Variants in MLKL observed in about 807,000 individuals in gnomAD.
MLKL encodes mixed lineage kinase domain-like protein.
Under a neutral mutation model 56.5 loss-of-function variants are expected in MLKL, and 55 were observed. The ratio of observed to expected loss-of-function variants is 0.97; its 90% CI spans 0.78 to 1.22. The LOEUF is 1.22. Ranked by LOEUF, MLKL falls within the 50% of genes most tolerant of loss-of-function variation. The pLI is 0.00. For synonymous variants in MLKL, 251 were observed against 208.3 expected, an observed-to-expected ratio of 1.20 and a Z score of -1.76; for missense variants, 694 against 573.9, an observed-to-expected ratio of 1.21 and a Z score of -2.14.
intron 5 of MLKL, among the ~76,000 whole-genome samples, chr16:74,683,977 T>C (rs540376780): frequency 1.1e-4 from 17 of 152,292 alleles, no homozygotes; most frequent in Middle Eastern, 3.4e-3. Context: ...AGACAGAGTC[T>C]AGCTCTGTCA....
intron 7 of MLKL, chr16:74,676,271 T>C: frequency 1.0e-6 from 1 of 989,688 alleles, no homozygotes; most frequent in Non-Finnish European, 1.2e-6. Context: ...GTGACGAGTG[T>C]GAGTCATCCC....
intron 4 of MLKL, among the ~76,000 whole-genome samples, chr16:74,687,701 C>A (rs1292161479): frequency 6.6e-6 from 1 of 152,002 alleles, no homozygotes; most frequent in Non-Finnish European, 1.5e-5. Context: ...TTGGAACTTG[C>A]TCTGTCACCC....
chr16:74,674,760 T>C (rs1057252341), intron 10 of MLKL, among the ~76,000 whole-genome samples, 200 bp downstream of exon 10: 6 of 152,120 alleles, frequency 3.9e-5, no homozygotes, highest in Non-Finnish European at 7.4e-5. Flanking sequence ...TTGGCCTTTA[T>C]TCACTAGATG....
At position 74,675,775 on chromosome 16, in the gene MLKL, A is replaced by G. The variant is rs377378830; in HGVS notation, c.1039-11T>C. Reference sequence around the variant, plus strand: ...CTCAAATCCTGCAAGCTAGATAGAGAGGCAACTTAGAAAGAAACAAGCAAG... The same window carrying G: ...CTCAAATCCTGCAAGCTAGATAGAGGGGCAACTTAGAAAGAAACAAGCAAG... On this transcript the variant is annotated splice_polypyrimidine_tract_variant and intron_variant, in intron 7 of 10. Transcript: ENST00000308807. The G allele has an allele frequency of 6.2e-7, 1 of 1,612,844 alleles. No homozygotes were observed. The highest frequency in any genetic ancestry group is 1.3e-5 in the African/African-American group (1 of 74,842).
At chr16:74,674,553 G>A (rs1959460355) in intron 10 of MLKL, among the ~76,000 whole-genome samples, 1 of 151,850 alleles carries the variant, frequency 6.6e-6, no homozygotes, top group South Asian at 2.1e-4. Flanking sequence ...CCAGTTTCAA[G>A]AGATTCTCAT....
intron 8 of MLKL, 45 bp downstream of exon 8, chr16:74,675,568 A>G (rs1959544063): frequency 1.9e-6 from 3 of 1,594,686 alleles, no homozygotes; most frequent in Admixed American, 1.7e-5. Context: ...GGGTTTTCCT[A>G]TTATGCACAT....
intron 6 of MLKL, among the ~76,000 whole-genome samples, chr16:74,680,707 G>A (rs1162738525): frequency 6.6e-6 from 1 of 152,064 alleles, no homozygotes; most frequent in African/African-American, 2.4e-5. Context: ...AGGTTTCACC[G>A]TGTTGGGCAG....
At chr16:74,692,761 T>A (rs1960750997) in intron 2 of MLKL, among the ~76,000 whole-genome samples, 1 of 152,270 alleles carries the variant, frequency 6.6e-6, no homozygotes, top group South Asian at 2.1e-4. Flanking sequence ...ATTGAAAGTA[T>A]CCTGGAAGGA....
At chr16:74,692,737 A>T (rs149713681) in intron 2 of MLKL, among the ~76,000 whole-genome samples, 2 of 152,400 alleles carry the variant, frequency 1.3e-5, no homozygotes, top group East Asian at 3.9e-4. Context: ...GCGTCAACGC[A>T]GAAGTGCTAT....
At chr16:74,681,442 C>T (rs1409655445) in intron 6 of MLKL, among the ~76,000 whole-genome samples, 1 of 152,060 alleles carries the variant, frequency 6.6e-6, no homozygotes, top group Non-Finnish European at 1.5e-5. Flanking sequence ...CTTTGGGGAC[C>T]CTTGGGACTA....
At position 74,682,631 on chromosome 16, in the gene MLKL, G is replaced by A. The variant is rs376354637; in HGVS notation, c.956+20C>T. 71 of 1,612,858 alleles carry A rather than the reference G, an allele frequency of 4.4e-5. No individual in the cohort carries two copies. In the African/African-American group the frequency reaches 5.2e-4, roughly 12 times the overall value. ...ACAGACCCATCCAACCCTTAGTGGC[G>A]CCTTTTCACCCCGTCTTACCGGTAT... On this transcript the variant is annotated intron_variant, in intron 6 of 10. Coordinates refer to ENST00000308807, the MANE Select transcript of MLKL (RefSeq NM_152649.4).
intron 5 of MLKL, among the ~76,000 whole-genome samples, chr16:74,684,260 T>C (rs1960180273): frequency 6.6e-6 from 1 of 152,012 alleles, no homozygotes; most frequent in African/African-American, 2.4e-5. Flanking sequence ...CGTTTCCCTT[T>C]AGATTGGGAT....
chr16:74,679,906 G>T (rs764776485), intron 6 of MLKL, among the ~76,000 whole-genome samples: 2 of 152,180 alleles, frequency 1.3e-5, no homozygotes, highest in South Asian at 2.1e-4. Context: ...GTAGGATGGC[G>T]AAGGAGAAGA....
At position 74,672,547 on chromosome 16, in the gene MLKL, G is replaced by C; in HGVS notation, c.1382-9C>G. Reference sequence around the variant, plus strand: ...GAGTTTCTTTAAGATTTCTGTGGATGAATGAACAGAAAATTAGACCAGGGT... The same window carrying C: ...GAGTTTCTTTAAGATTTCTGTGGATCAATGAACAGAAAATTAGACCAGGGT... On this transcript the variant is annotated splice_polypyrimidine_tract_variant and intron_variant, in intron 10 of 10. Coordinates refer to ENST00000308807, the MANE Select transcript of MLKL (RefSeq NM_152649.4). The C allele has an allele frequency of 6.2e-7, 1 of 1,613,372 alleles. No homozygotes were observed. The highest frequency in any genetic ancestry group is 1.3e-5 in the African/African-American group (1 of 75,018).
chr16:74,679,099 A>G, intron 6 of MLKL, 119 bp from the exon 7 acceptor site: 1 of 727,576 alleles, frequency 1.4e-6, no homozygotes, highest in South Asian at 1.7e-5. Context: ...CCACAGTTAC[A>G]CAGGAAAAAC....
rs756729633 is a variant in MLKL at position 74,695,673 on chromosome 16, G to C, written c.85C>G (p.Arg29Gly). The change falls in exon 2 of 11, where the codon CGG becomes GGG. Residue 29 changes from arginine (R) to glycine (G), a missense_variant. Coordinates refer to ENST00000308807, the MANE Select transcript of MLKL (RefSeq NM_152649.4). Reference protein sequence around the residue: ...EEMKYCKKQCRRLGHRVLGLI... With the variant: ...EEMKYCKKQCGRLGHRVLGLI... ...CCGAGGACGCGGTGGCCCAGGCGCC[G>C]GCACTGTTTCTTGCAGTATTTCATC... The C allele has an allele frequency of 6.2e-7, 1 of 1,614,090 alleles. No homozygotes were observed. Among genetic ancestry groups the C allele is most frequent in the Admixed American group, 1.7e-5 (1 of 60,022 alleles).
At chr16:74,679,747 G>A (rs962433384) in intron 6 of MLKL, among the ~76,000 whole-genome samples, 2 of 152,082 alleles carry the variant, frequency 1.3e-5, no homozygotes, top group Non-Finnish European at 2.9e-5. Context: ...CCCAGGAGGT[G>A]GAGTTTGCAG....
intron 10 of MLKL, among the ~76,000 whole-genome samples, chr16:74,673,679 A>T (rs924423015): frequency 6.6e-6 from 1 of 152,104 alleles, no homozygotes; most frequent in Admixed American, 6.6e-5. Flanking sequence ...AATCCCAAGG[A>T]TGCTGAAAAA....
rs532485718 is a variant in MLKL, at chr16:74,674,456, A to ATT, written c.1381+502_1381+503dup. On this transcript the variant is annotated intron_variant, in intron 10 of 10. Coordinates refer to ENST00000308807, the MANE Select transcript of MLKL (RefSeq NM_152649.4). ...GCATGAGCCACCGCGCCTGGCCAAC[A>ATT]TTTTTTTTTTTGAGACGGAGTCTTG... Among the ~76,000 whole-genome samples, 1,250 of 142,986 alleles carry ATT rather than the reference A, an allele frequency of 8.7e-3. 14 individuals carry two copies. Among genetic ancestry groups the ATT allele is most frequent in the African/African-American group, 0.025 (983 of 38,852 alleles). The allele number at this position is 142,986 out of a possible 152,430, so 93.8% of individuals were successfully genotyped here.
Sources: gnomAD v4.1 joint callset for allele counts (sites outside exome capture counted in the v4.1 genomes callset) on GRCh38, gnomAD v4.1.1 for gene constraint, MANE v1.5 for transcripts, NCBI Gene and HGNC (gene_info 2026-07-23, HGNC 2026-07-21) for gene names.